Variants in MIB1 observed in about 807,000 individuals in gnomAD.
The protein encoded by MIB1 is E3 ubiquitin-protein ligase MIB1.
In MIB1, 278 loss-of-function variants were observed where a neutral mutation model predicts 124.5. The ratio of observed to expected loss-of-function variants is 2.23; its 90% CI spans 2.02 to 2.47. The LOEUF (loss-of-function observed/expected upper bound fraction) is 2.47. MIB1 is among the 30% of genes most tolerant of loss of function. The pLI is 0.00. For synonymous variants in MIB1, 446 were observed against 429.4 expected (o/e 1.04, Z -0.48); for missense variants, 957 against 1,254.4 (o/e 0.76, Z 3.58).
intron 5 of MIB1, among the ~76,000 whole-genome samples, chr18:21,778,912 A>T (rs1484307426): frequency 6.6e-6 from 1 of 152,160 alleles, no homozygotes; most frequent in African/African-American, 2.4e-5. Flanking sequence ...GAAAAATGCA[A>T]AATCAACATG....
chr18:21,712,440 A>AG, intron 1 of MIB1, among the ~76,000 whole-genome samples: 1 of 152,196 alleles, frequency 6.6e-6, no homozygotes. Flanking sequence ...ACTATGTTAT[A>AG]TAAGACTCCT....
intron 4 of MIB1, among the ~76,000 whole-genome samples, chr18:21,775,961 G>A (rs3017040): frequency 0.068 from 10,371 of 152,084 alleles, 745 homozygotes; most frequent in African/African-American, 0.18. Flanking sequence ...GCTGGGGTAG[G>A]GTAGTATATT....
intron 3 of MIB1, among the ~76,000 whole-genome samples, chr18:21,772,858 T>G (rs2041238348): frequency 6.6e-6 from 1 of 152,180 alleles, no homozygotes. Context: ...CCACCAAGGC[T>G]CTTCAAGAGC....
In MIB1 at chr18:21,740,886, C is replaced by G. The variant is rs2040840329; in HGVS notation, c.-698C>G. On this transcript the variant is annotated 5_prime_UTR_variant, in exon 1 of 21. Transcript: ENST00000261537. ...GGAAGCCTTCCCACTCTATTATTGC[C>G]GAGGATCCCCCTCCTAGACACTCTG... is the stretch of plus-strand genomic sequence containing the variant. Among the ~76,000 whole-genome samples, 1 of 152,250 alleles carries G rather than the reference C, an allele frequency of 6.6e-6. No homozygotes were observed. The highest frequency in any genetic ancestry group is 1.5e-5 in the Non-Finnish European group (1 of 68,042).
chr18:21,758,202 T>G (rs950005826), intron 1 of MIB1, among the ~76,000 whole-genome samples: 11 of 152,210 alleles, frequency 7.2e-5, no homozygotes, highest in Admixed American at 7.2e-4. Context: ...GTATTATTAA[T>G]AACAACAATC....
intron 1 of MIB1, among the ~76,000 whole-genome samples, chr18:21,757,217 T>C (rs1439020101): frequency 6.6e-6 from 1 of 151,536 alleles, no homozygotes; most frequent in Non-Finnish European, 1.5e-5. Context: ...TTTGGGAGGC[T>C]AAGGTGGGTG....
chr18:21,717,645 A>G (rs1478849443), intron 1 of MIB1, among the ~76,000 whole-genome samples: 1 of 152,196 alleles, frequency 6.6e-6, no homozygotes, highest in Non-Finnish European at 1.5e-5. Context: ...ATATGAAAAA[A>G]TCCTCAACAT....
intron 4 of MIB1, 89 bp downstream of exon 4, chr18:21,773,817 C>A: frequency 2.7e-6 from 2 of 739,998 alleles, no homozygotes; most frequent in Non-Finnish European, 4.5e-6. Flanking sequence ...CCTTTGTCAT[C>A]TCCCTTTGTC....
intron 12 of MIB1, among the ~76,000 whole-genome samples, chr18:21,835,292 G>A (rs2042016273): frequency 1.3e-5 from 2 of 152,090 alleles, no homozygotes; most frequent in Non-Finnish European, 2.9e-5. Context: ...GTGTGGGGTG[G>A]TATAGAGAAT....
In MIB1 at chr18:21,779,565, CT is replaced by C. The variant is rs774739296; in HGVS notation, c.791del (p.Leu264CysfsTer16). On this transcript the variant is annotated frameshift_variant, in exon 6 of 21. Transcript: ENST00000261537. LOFTEE classifies it high-confidence loss of function. ...NIDLDLEIVQ[S>X]LQHGHGGWTD... is the part of the protein sequence containing the mutation. ...GATCTCGACCTCGAAATTGTACAGT[CT>C]TTGCAGCATGGTCATGGAGGATGGA... 1 of 1,613,968 alleles carries C rather than the reference CT, an allele frequency of 6.2e-7. No individual in the cohort carries two copies. The highest frequency in any genetic ancestry group is 8.5e-7 in the Non-Finnish European group (1 of 1,179,954).
At chr18:21,780,694 T>G (rs2041350912) in intron 6 of MIB1, among the ~76,000 whole-genome samples, 1 of 152,168 alleles carries the variant, frequency 6.6e-6, no homozygotes. Flanking sequence ...GTGATGTTTC[T>G]CCCCTGGCCT....
chr18:21,776,459 T>C (rs1477193772), intron 4 of MIB1, among the ~76,000 whole-genome samples: 1 of 152,072 alleles, frequency 6.6e-6, no homozygotes, highest in Non-Finnish European at 1.5e-5. Context: ...CTTGATAGGG[T>C]AAGATGTTCT....
rs553163083 is a variant in MIB1 at position 21,816,951 on chromosome 18, A to G, written c.1677+1138A>G. The stretch of plus-strand genomic sequence containing the variant: ...TACCTGCTGACGTTTTTTGTCTGAA[A>G]TGGGAGACAAGTTCATCTGTTGAGA... On this transcript the variant is annotated intron_variant, in intron 11 of 20. Transcript: ENST00000261537. Among the ~76,000 whole-genome samples the G allele has an allele frequency of 3.9e-5, 6 of 152,090 alleles. No individual in the cohort carries two copies. In the South Asian group the frequency reaches 1.2e-3, roughly 32 times the overall value.
At chr18:21,763,151 GAAGT>G (rs200843775) in intron 1 of MIB1, among the ~76,000 whole-genome samples, 1,691 of 151,926 alleles carry the variant, frequency 0.011, 41 homozygotes, top group African/African-American at 0.038. Context: ...CATGTGAAAG[GAAGT>G]GTTTTCTTAA....
chr18:21,807,369 C>G (rs1472250563), intron 10 of MIB1, among the ~76,000 whole-genome samples: 2 of 152,126 alleles, frequency 1.3e-5, no homozygotes, highest in Admixed American at 6.5e-5. Context: ...GAAGCCCAGG[C>G]TGTGGTGAGC....
Position 21,858,586 on chromosome 18 carries a change from T to TTA in MIB1, c.2820_2821insTA (p.Thr941Ter). On this transcript the variant is annotated frameshift_variant, in exon 20 of 21. Coordinates refer to ENST00000261537, the MANE Select transcript of MIB1 (RefSeq NM_020774.4). LOFTEE classifies it high-confidence loss of function. ...CAGTATTACAAAAGGACAAGGATAA[T>TTA]ACCAATGTCAATGCAGATGTGCAAA... The TTA allele has an allele frequency of 6.2e-7, 1 of 1,600,530 alleles. No homozygotes were observed. Among genetic ancestry groups the TTA allele is most frequent in the Non-Finnish European group, 8.6e-7 (1 of 1,168,160 alleles).
intron 1 of MIB1, among the ~76,000 whole-genome samples, chr18:21,731,504 C>G (rs191428410): frequency 9.9e-5 from 15 of 151,974 alleles, no homozygotes; most frequent in African/African-American, 3.1e-4. Context: ...GAAGCCGAGG[C>G]GGGTGGATCA....
chr18:21,822,717 T>C (rs535911194), intron 12 of MIB1, among the ~76,000 whole-genome samples: 49 of 151,948 alleles, frequency 3.2e-4, no homozygotes, highest in African/African-American at 6.0e-4. Flanking sequence ...TTTCCCCCCC[T>C]ATACTGTCCA....
At chr18:21,781,343 A>G (rs944820268) in intron 6 of MIB1, among the ~76,000 whole-genome samples, 1 of 118,346 alleles carries the variant, frequency 8.4e-6, no homozygotes, top group Non-Finnish European at 1.8e-5. Flanking sequence ...TGATCTTGTT[A>G]CTCATTATTG....
Sources: allele counts gnomAD v4.1 joint callset (sites outside exome capture counted in the v4.1 genomes callset), GRCh38; gene constraint gnomAD v4.1.1; transcripts MANE v1.5; gene names NCBI Gene and HGNC (gene_info 2026-07-23, HGNC 2026-07-21).